SCARA3: variants seen among roughly 807,000 people sequenced by gnomAD.
SCARA3 encodes the protein scavenger receptor class A member 3, also known as cellular stress response gene protein.
Under a neutral mutation model 47.0 loss-of-function variants are expected in SCARA3, and 39 were observed. That is an observed-to-expected ratio of 0.83 (90% confidence interval 0.64 to 1.08). The LOEUF (loss-of-function observed/expected upper bound fraction) is 1.08, where lower values mean the gene tolerates loss of function less well. Among genes scored for constraint, SCARA3 ranks in the 50% least tolerant of loss-of-function variants. SCARA3 has a pLI of 0.00. For synonymous variants in SCARA3, 356 were observed against 334.1 expected, an observed-to-expected ratio of 1.07 and a Z score of -0.71; for missense variants, 724 against 792.3, an observed-to-expected ratio of 0.91 and a Z score of 1.04.
chr8:27,658,494 A>C lies in SCARA3; in HGVS notation c.326-2A>C. 6.3e-7 allele frequency: 1 copy of C among 1,593,388 alleles called. No homozygotes were observed. Among genetic ancestry groups the C allele is most frequent in the Non-Finnish European group, 8.5e-7 (1 of 1,171,356 alleles). ...TCAAACTGTTATCCCTTTCCCCTAA[A>C]GATCCGAAAGCCCTGAACAACTGCT... On this transcript the variant is annotated splice_acceptor_variant, in intron 4 of 5. Coordinates refer to ENST00000301904, the MANE Select transcript of SCARA3 (RefSeq NM_016240.3). LOFTEE classifies it high-confidence loss of function.
the SCARA3 span, among the ~76,000 whole-genome samples, chr8:27,696,919 G>A: frequency 1.9e-4 from 29 of 152,256 alleles, no homozygotes; most frequent in Non-Finnish European, 3.5e-4. Context: ...TGGGCATGAG[G>A]TTTCTTTTTG....
At chr8:27,636,488 TAGAG>T (rs1210443985) in intron 1 of SCARA3, among the ~76,000 whole-genome samples, 3 of 152,012 alleles carry the variant, frequency 2.0e-5, no homozygotes, top group Admixed American at 6.6e-5. Flanking sequence ...TCCTGTGAAA[TAGAG>T]AAGAAAAGAG....
chr8:27,724,009 T>A, the SCARA3 span, among the ~76,000 whole-genome samples: 1 of 152,218 alleles, frequency 6.6e-6, no homozygotes, highest in African/African-American at 2.4e-5. Context: ...GTGCTGGGAT[T>A]ATAGGCGCAA....
At chr8:27,638,008 C>A (rs35677061) in intron 1 of SCARA3, among the ~76,000 whole-genome samples, 6 of 152,022 alleles carry the variant, frequency 3.9e-5, no homozygotes, top group Non-Finnish European at 7.4e-5. Flanking sequence ...GGGAGCCCAG[C>A]GGCTCAGATG....
In SCARA3 at chr8:27,671,895, G is replaced by A; in HGVS notation, c.*544G>A. 1.0e-6 allele frequency: 1 copy of A among 985,490 alleles called. No homozygotes were observed. The highest frequency in any genetic ancestry group is 1.2e-6 in the Non-Finnish European group (1 of 829,962). The allele number at this position is 985,490 out of a possible 1,614,324, so 61.0% of individuals were successfully genotyped here. ...CCTGGCTGGGCAGGAGGAGAGGGCA[G>A]AGGAAGACCCCCTCTCCTGTGACTG... is the stretch of plus-strand genomic sequence containing the variant. On this transcript the variant is annotated 3_prime_UTR_variant, in exon 6 of 6. Coordinates refer to ENST00000301904, the MANE Select transcript of SCARA3 (RefSeq NM_016240.3).
chr8:27,648,123 G>T lies in SCARA3; in HGVS notation c.8-1579G>T, dbSNP rs34660936. On this transcript the variant is annotated intron_variant, in intron 1 of 5. Coordinates refer to ENST00000301904, the MANE Select transcript of SCARA3 (RefSeq NM_016240.3). ...TGCTCATTACCTCAAGGTGGTTGTA[G>T]GTATGGTAGAAAAGATTTCTGAGTT... Among the ~76,000 whole-genome samples the T allele has an allele frequency of 4.0e-3, 611 of 152,326 alleles. 2 individuals carry two copies. Among genetic ancestry groups the T allele is most frequent in the South Asian group, 0.019 (91 of 4,830 alleles).
the SCARA3 span, among the ~76,000 whole-genome samples, chr8:27,688,865 T>C: frequency 6.6e-6 from 1 of 152,198 alleles, no homozygotes; most frequent in African/African-American, 2.4e-5. Context: ...TTTTATTTCT[T>C]GACCTGGGTG....
intron 2 of SCARA3, among the ~76,000 whole-genome samples, chr8:27,651,127 G>T (rs1801622622): frequency 1.3e-5 from 2 of 152,238 alleles, no homozygotes; most frequent in African/African-American, 2.4e-5. Flanking sequence ...AAACCCAGAA[G>T]ATCCTGGGCA....
chr8:27,727,388 G>A, the SCARA3 span, among the ~76,000 whole-genome samples: 41 of 152,324 alleles, frequency 2.7e-4, no homozygotes, highest in Non-Finnish European at 4.1e-4. Context: ...GAACCTCCGC[G>A]TGATGCGCGC....
chr8:27,728,824 G>C, the SCARA3 span, among the ~76,000 whole-genome samples: 2 of 152,198 alleles, frequency 1.3e-5, no homozygotes, highest in African/African-American at 4.8e-5. Context: ...GGGAGTTCGA[G>C]GCCAGCTGGG....
At chr8:27,693,736 C>G in the SCARA3 span, among the ~76,000 whole-genome samples, 1 of 152,176 alleles carries the variant, frequency 6.6e-6, no homozygotes, top group African/African-American at 2.4e-5. Flanking sequence ...TGTCTAAAGC[C>G]TGCTACCTGG....
At chr8:27,687,102 C>T in the SCARA3 span, among the ~76,000 whole-genome samples, 3 of 152,316 alleles carry the variant, frequency 2.0e-5, no homozygotes, top group South Asian at 6.2e-4. Context: ...AATGATAATA[C>T]CACCTTGATT....
chr8:27,661,008 C>G (rs1469212466), intron 5 of SCARA3, among the ~76,000 whole-genome samples: 1 of 152,170 alleles, frequency 6.6e-6, no homozygotes, highest in Non-Finnish European at 1.5e-5. Context: ...AGGAAGAATT[C>G]CCTCTTACTT....
chr8:27,670,751 G>T (rs1802126660), intron 5 of SCARA3, 149 bp from the exon 6 acceptor site: 1 of 615,380 alleles, frequency 1.6e-6, no homozygotes, highest in Non-Finnish European at 2.8e-6. Context: ...TGTGTGTGTG[G>T]AGCTATCGGC....
At chr8:27,648,744 A>G (rs999200657) in intron 1 of SCARA3, among the ~76,000 whole-genome samples, 7 of 152,134 alleles carry the variant, frequency 4.6e-5, no homozygotes, top group African/African-American at 1.7e-4. Context: ...AGGTGAAAGA[A>G]AGCAGGGAAT....
At chr8:27,674,484 G>C (rs1379169824), downstream of SCARA3, among the ~76,000 whole-genome samples, 1 of 152,164 alleles carries the variant, frequency 6.6e-6, no homozygotes. Context: ...CATTGAGTCT[G>C]ACATGCTGTG....
chr8:27,677,676 C>T (rs144766490), downstream of SCARA3, among the ~76,000 whole-genome samples: 606 of 152,300 alleles, frequency 4.0e-3, 4 homozygotes, highest in African/African-American at 0.013. Flanking sequence ...ATATAGAAGA[C>T]TTGAACATTA....
rs1421736717 is a variant in SCARA3 at position 27,672,297 on chromosome 8, A to G, written c.*946A>G. Reference sequence around the variant, plus strand: ...GGAGCAGCCTGGAAGGAATCCAAGCAGGAGTTTCATCTGCATGGGGGCACT... The same window carrying G: ...GGAGCAGCCTGGAAGGAATCCAAGCGGGAGTTTCATCTGCATGGGGGCACT... On this transcript the variant is annotated 3_prime_UTR_variant, in exon 6 of 6. Coordinates refer to ENST00000301904, the MANE Select transcript of SCARA3 (RefSeq NM_016240.3). 1.0e-6 allele frequency: 1 copy of G among 985,380 alleles called. No individual in the cohort carries two copies. Among genetic ancestry groups the G allele is most frequent in the Non-Finnish European group, 1.2e-6 (1 of 829,982 alleles). The allele number at this position is 985,380 out of a possible 1,614,324, so 61.0% of individuals were successfully genotyped here.
rs771426370 is a variant in SCARA3, at chr8:27,659,403, C to A, written c.1233C>A (p.Asp411Glu). Residue 411 changes from aspartate (D) to glutamate (E), a missense_variant, in exon 5 of 6, where the codon GAC (aspartate) becomes GAA (glutamate). Transcript: ENST00000301904. Reference protein sequence around the residue: ...KSVSIMLGTTDLLRERFSLLS... With the variant: ...KSVSIMLGTTELLRERFSLLS... ...TCTCCATCATGCTGGGCACCACAGACCTGCTCCGGGAGCGCTTCAGCCTGC... is the reference window on the plus strand; with the variant it reads ...TCTCCATCATGCTGGGCACCACAGAACTGCTCCGGGAGCGCTTCAGCCTGC... 1.2e-6 allele frequency: 2 copies of A among 1,613,790 alleles called. No individual in the cohort carries two copies. The highest frequency in any genetic ancestry group is 1.7e-6 in the Non-Finnish European group (2 of 1,179,920).
Sources: allele counts gnomAD v4.1 joint callset (sites outside exome capture counted in the v4.1 genomes callset), GRCh38; gene constraint gnomAD v4.1.1; transcripts MANE v1.5; gene names NCBI Gene and HGNC (gene_info 2026-07-23, HGNC 2026-07-21).